PSMB8: variants seen among roughly 807,000 people sequenced by gnomAD.
PSMB8 encodes proteasome subunit beta type-8.
In PSMB8, 20 loss-of-function variants were observed where a neutral mutation model predicts 32.3. That is an observed-to-expected ratio of 0.62 (90% CI 0.44 to 0.90). The LOEUF is 0.90. PSMB8 is among the 40% of genes least tolerant of loss of function. The pLI, the probability that PSMB8 is intolerant of heterozygous loss-of-function variation, is 0.00. For missense variants in PSMB8, 342 were observed against 365.4 expected (o/e 0.94, Z 0.52); for synonymous variants, 131 against 135.4 (o/e 0.97, Z 0.23).
At position 32,842,936 on chromosome 6, in the gene PSMB8, A is replaced by G. The variant is rs1582609049; in HGVS notation, c.295+6T>C. The G allele has an allele frequency of 6.2e-7, 1 of 1,613,648 alleles. No individual in the cohort carries two copies. Among genetic ancestry groups the G allele is most frequent in the Non-Finnish European group, 8.5e-7 (1 of 1,180,038 alleles). ...AGATTCTGCCTGCTGGAGCGTATAC[A>G]CTCACTAATGTAGGACCCAGCTGAG... On this transcript the variant is annotated splice_donor_region_variant and intron_variant, in intron 2 of 5. Coordinates refer to ENST00000374882, the MANE Select transcript of PSMB8 (RefSeq NM_148919.4).
intron 1 of PSMB8, 30 bp downstream of exon 1, chr6:32,843,820 C>A: frequency 6.2e-7 from 1 of 1,611,486 alleles, no homozygotes; most frequent in Non-Finnish European, 8.5e-7. Flanking sequence ...CGCCTCCCTG[C>A]ATCCCTAGGG....
chr6:32,841,429 G>T, intron 5 of PSMB8, 102 bp downstream of exon 5: 1 of 1,218,262 alleles, frequency 8.2e-7, no homozygotes, highest in Non-Finnish European at 1.2e-6. Context: ...GTAGAGACGG[G>T]GTTTCGCCAT....
intron 2 of PSMB8, 46 bp downstream of exon 2, chr6:32,842,896 A>G: frequency 6.2e-7 from 1 of 1,613,686 alleles, no homozygotes; most frequent in Non-Finnish European, 8.5e-7. Flanking sequence ...TGTGGAAAGG[A>G]GAGCCCAGCT....
Position 32,843,921 on chromosome 6 carries a change from G to A in PSMB8, c.76C>T (p.Arg26Cys). 6.2e-7 allele frequency: 1 copy of A among 1,612,586 alleles called. No homozygotes were observed. Among genetic ancestry groups the A allele is most frequent in the Non-Finnish European group, 8.5e-7 (1 of 1,179,918 alleles). ...CTGTAGTGTCCTGGGTCCGAGCGAC[G>A]CCCGCTTCCCGCAACCGGGAGAGCC... ...ESALPVAGSG[R>C]RSDPGHYSFS... Residue 26 changes from arginine (R) to cysteine (C), a missense_variant, in exon 1 of 6, where the codon CGT becomes TGT. Transcript: ENST00000374882.
At chr6:32,844,544 G>A (rs1286424061), upstream of PSMB8, 13 of 1,132,186 alleles carry the variant, frequency 1.1e-5, no homozygotes, top group Non-Finnish European at 1.7e-5. Context: ...CGCAGTCTCT[G>A]AATCTTTCCA....
In PSMB8 at chr6:32,840,857, G is replaced by T; in HGVS notation, c.*102C>A. 1 of 979,248 alleles carries T rather than the reference G, an allele frequency of 1.0e-6. No homozygotes were observed. The highest frequency in any genetic ancestry group is 1.6e-6 in the Non-Finnish European group (1 of 615,816). The allele number at this position is 979,248 out of a possible 1,614,324, so 60.7% of individuals were successfully genotyped here. A position where few individuals can be genotyped will look rare whatever the true frequency, so the allele number is the denominator to read the frequency against. ...CTGCTGAGCCCGTACTCTCTCTTTGGCTCAGGCTAGGCCTCTTCTTCTCCT... is the reference window on the plus strand; with the variant it reads ...CTGCTGAGCCCGTACTCTCTCTTTGTCTCAGGCTAGGCCTCTTCTTCTCCT... On this transcript the variant is annotated 3_prime_UTR_variant, in exon 6 of 6. Coordinates refer to ENST00000374882, the MANE Select transcript of PSMB8 (RefSeq NM_148919.4).
chr6:32,842,719 A>C lies in PSMB8; in HGVS notation c.360T>G (p.Cys120Trp), dbSNP rs2127378014. 13 of 1,614,236 alleles carry C rather than the reference A, an allele frequency of 8.1e-6. No individual in the cohort carries two copies. The highest frequency in any genetic ancestry group is 9.3e-6 in the Non-Finnish European group (11 of 1,180,034). Residue 120 changes from cysteine (C) to tryptophan (W), a missense_variant, in exon 3 of 6, where the codon TGT (cysteine) becomes TGG (tryptophan). Coordinates refer to ENST00000374882, the MANE Select transcript of PSMB8 (RefSeq NM_148919.4). Reference sequence around the variant, plus strand: ...GCTCCCAGTACTGACAGTCTGCTGCACAGCCAGACATGGTGCCAAGCAGGT... The same window carrying C: ...GCTCCCAGTACTGACAGTCTGCTGCCCAGCCAGACATGGTGCCAAGCAGGT... ...NPYLLGTMSG[C>W]AADCQYWERL...
In PSMB8 at chr6:32,842,772, C is replaced by T. The variant is rs144321102; in HGVS notation, c.307G>A (p.Val103Met). The change falls in exon 3 of 6, where the codon GTG (valine) becomes ATG (methionine). Residue 103 changes from valine (V) to methionine (M), a missense_variant. Val to Met is a conservative substitution (Grantham distance 21). Coordinates refer to ENST00000374882, the MANE Select transcript of PSMB8 (RefSeq NM_148919.4). ...GGGTTAATCTCAATCACCTTGTTCA[C>T]CCGTAAGGCACCTGGAAGAAGATGG... ...SAGSYISALR[V>M]NKVIEINPYL... 51 of 1,614,184 alleles carry T rather than the reference C, an allele frequency of 3.2e-5. No individual in the cohort carries two copies. In the African/African-American group the frequency reaches 5.9e-4, roughly 19 times the overall value.
Position 32,841,551 on chromosome 6 carries a change from T to G in PSMB8, c.722A>C (p.Tyr241Ser). ...AIAYATHRDS[Y>S]SGGVVNMYHM... ...CTTACTATTGACAACGCCTCCAGAA[T>G]AGCTGTCTCTGTGAGTGGCATAAGC... The change falls in exon 5 of 6, where the codon TAT becomes TCT. Residue 241 changes from tyrosine to serine, a missense_variant. Coordinates refer to ENST00000374882, the MANE Select transcript of PSMB8 (RefSeq NM_148919.4). 6.2e-7 allele frequency: 1 copy of G among 1,612,600 alleles called. No homozygotes were observed. Among genetic ancestry groups the G allele is most frequent in the Non-Finnish European group, 8.5e-7 (1 of 1,180,024 alleles).
At position 32,842,926 on chromosome 6, in the gene PSMB8, G is replaced by T; in HGVS notation, c.295+16C>A. On this transcript the variant is annotated intron_variant, in intron 2 of 5. Transcript: ENST00000374882. ...CCAGCTCCCCAGATTCTGCCTGCTG[G>T]AGCGTATACACTCACTAATGTAGGA... 6.2e-7 allele frequency: 1 copy of T among 1,613,806 alleles called. No individual in the cohort carries two copies. Among genetic ancestry groups the T allele is most frequent in the Non-Finnish European group, 8.5e-7 (1 of 1,180,034 alleles).
chr6:32,841,943 C>A, intron 4 of PSMB8, 191 bp downstream of exon 4: 1 of 1,037,330 alleles, frequency 9.6e-7, no homozygotes, highest in African/African-American at 1.6e-5. Flanking sequence ...AAGGGACAAG[C>A]TTACAAAACA....
At position 32,842,954 on chromosome 6, in the gene PSMB8, C is replaced by T; in HGVS notation, c.283G>A (p.Gly95Arg). 6.2e-7 allele frequency: 1 copy of T among 1,613,432 alleles called. No individual in the cohort carries two copies. The highest frequency in any genetic ancestry group is 8.5e-7 in the Non-Finnish European group (1 of 1,180,048). Residue 95 changes from glycine to arginine, a missense_variant, in exon 2 of 6, where the codon GGG becomes AGG. By Grantham distance (125) the Gly-to-Arg change is moderately radical. Transcript: ENST00000374882. Reference protein sequence around the residue: ...IAAVDSRASAGSYISALRVNK... With the variant: ...IAAVDSRASARSYISALRVNK... ...CGTATACACTCACTAATGTAGGACC[C>T]AGCTGAGGCCCGAGAATCCACTGCT...
chr6:32,843,212 G>T, intron 1 of PSMB8, 123 bp from the exon 2 acceptor site: 1 of 1,134,006 alleles, frequency 8.8e-7, no homozygotes, highest in Non-Finnish European at 1.3e-6. Context: ...ATCAATAAAT[G>T]AAACAGTTAA....
upstream of PSMB8, chr6:32,844,280 T>A (rs1169027699): frequency 6.2e-7 from 1 of 1,613,422 alleles, no homozygotes; most frequent in African/African-American, 1.3e-5. Context: ...AAGAGGTACC[T>A]CCAGGCCCGG....
chr6:32,844,135 A>G, upstream of PSMB8: 1 of 1,508,814 alleles, frequency 6.6e-7, no homozygotes, highest in Non-Finnish European at 9.0e-7. Context: ...TGCCTGGACC[A>G]GGACCATCAC....
At chr6:32,843,750 T>A in intron 1 of PSMB8, 100 bp downstream of exon 1, 1 of 1,478,626 alleles carries the variant, frequency 6.8e-7, no homozygotes, top group Non-Finnish European at 9.3e-7. Flanking sequence ...CCCCCGACCC[T>A]GTACCCCGCG....
Position 32,843,096 on chromosome 6 carries a change from A to G in PSMB8, c.148-7T>C. On this transcript the variant is annotated splice_region_variant and splice_polypyrimidine_tract_variant and intron_variant, in intron 1 of 5. Transcript: ENST00000374882. ...ACTGGAAGAATTCTGTGGGCTGATA[A>G]GAGAAAAGAGGTTGAGAAAGGCAAT... 6.2e-7 allele frequency: 1 copy of G among 1,613,008 alleles called. No individual in the cohort carries two copies. The highest frequency in any genetic ancestry group is 8.5e-7 in the Non-Finnish European group (1 of 1,179,962).
At position 32,843,957 on chromosome 6, in the gene PSMB8, G is replaced by C. The variant is rs1267147292; in HGVS notation, c.40C>G (p.Arg14Gly). The change falls in exon 1 of 6, where the codon CGG becomes GGG. Residue 14 changes from arginine to glycine, a missense_variant. Transcript: ENST00000374882. ...GCAACCGGGAGAGCCGATTCCGGCC[G>C]CTGCCCTCGGGGGGCTCCGCATACA... Reference protein sequence around the residue: ...LDVCGAPRGQRPESALPVAGS... With the variant: ...LDVCGAPRGQGPESALPVAGS... The C allele has an allele frequency of 3.7e-6, 6 of 1,612,456 alleles. No individual in the cohort carries two copies. The highest frequency in any genetic ancestry group is 4.2e-6 in the Non-Finnish European group (5 of 1,179,856).
Position 32,843,895 on chromosome 6 carries a change from A to G in PSMB8, c.102T>C (p.Ser34=), listed in dbSNP as rs749478554. Residue 34 remains serine (S), a synonymous_variant, in exon 1 of 6, where the codon AGT becomes AGC. Transcript: ENST00000374882. The stretch of plus-strand genomic sequence containing the variant: ...CGAGCTCTGGAGATCGCATAGAGAA[A>G]CTGTAGTGTCCTGGGTCCGAGCGAC... The part of the protein sequence containing the change: ...SGRRSDPGHY[S]FSMRSPELAL... The G allele has an allele frequency of 3.7e-6, 6 of 1,612,250 alleles. No individual in the cohort carries two copies. In the South Asian group the frequency reaches 6.6e-5, roughly 18 times the overall value.
Sources: allele counts gnomAD v4.1 joint callset, GRCh38; gene constraint gnomAD v4.1.1; transcripts MANE v1.5; gene names NCBI Gene and HGNC (gene_info 2026-07-23, HGNC 2026-07-21).